Variants in HDAC4 observed in about 807,000 individuals in gnomAD.
HDAC4 encodes the protein histone deacetylase 4.
A neutral mutation model predicts 135.1 loss-of-function variants in HDAC4; 16 were observed. That is an observed-to-expected ratio of 0.12 (90% CI 0.08 to 0.18). HDAC4 has a LOEUF of 0.18. Among genes scored for constraint, HDAC4 ranks in the 10% least tolerant of loss-of-function variants. The probability of loss-of-function intolerance (pLI) is 1.00; values close to 1 mark genes in which losing one functional copy is unlikely to be tolerated. For missense variants in HDAC4, 1,143 were observed against 1,511.8 expected (o/e 0.76, Z 4.05); for synonymous variants, 685 against 653.4 (o/e 1.05, Z -0.74).
intron 2 of HDAC4, among the ~76,000 whole-genome samples, chr2:239,312,190 C>T (rs1559355932): frequency 6.6e-6 from 1 of 152,180 alleles, no homozygotes; most frequent in African/African-American, 2.4e-5. Context: ...AGGGGCACCC[C>T]TGGGCAGGGC....
In HDAC4 at chr2:239,120,105, C is replaced by T. The variant is rs563422863; in HGVS notation, c.1534-4795G>A. Among the ~76,000 whole-genome samples the T allele has an allele frequency of 2.6e-5, 4 of 152,312 alleles. No homozygotes were observed. The South Asian group carries it at 6.2e-4, about 24-fold the overall frequency. ...CCGGGACGGGGAGGTGGGTAGAGGGCAGCTCAGAGAGGCTGAATCCCAGCA... is the reference window on the plus strand; with the variant it reads ...CCGGGACGGGGAGGTGGGTAGAGGGTAGCTCAGAGAGGCTGAATCCCAGCA... On this transcript the variant is annotated intron_variant, in intron 12 of 26. Transcript: ENST00000543185.
At chr2:239,108,284 T>C (rs2038342442) in intron 14 of HDAC4, 101 bp from the exon 15 acceptor site, 1 of 1,386,134 alleles carries the variant, frequency 7.2e-7, no homozygotes, top group African/African-American at 1.4e-5. Flanking sequence ...ACCACTTCCC[T>C]AGAAGGAGAC....
chr2:239,082,654 C>T (rs920096335), intron 20 of HDAC4, among the ~76,000 whole-genome samples: 1 of 152,262 alleles, frequency 6.6e-6, no homozygotes. Context: ...TGCCCGCTTG[C>T]AGGCACGTGG....
At chr2:239,089,765 T>C (rs933575732) in intron 18 of HDAC4, 1 of 521,928 alleles carries the variant, frequency 1.9e-6, no homozygotes, top group African/African-American at 1.9e-5. Context: ...TTTTTAAGAG[T>C]ATAAAGGGTT....
chr2:239,203,199 G>A (rs1220754654), intron 3 of HDAC4, among the ~76,000 whole-genome samples: 1 of 152,322 alleles, frequency 6.6e-6, no homozygotes, highest in Admixed American at 6.5e-5. Flanking sequence ...AGCCCAGTGT[G>A]GATGCCTAGC....
intron 3 of HDAC4, among the ~76,000 whole-genome samples, chr2:239,214,421 C>G (rs2046510436): frequency 6.6e-6 from 1 of 152,230 alleles, no homozygotes; most frequent in Non-Finnish European, 1.5e-5. Context: ...AGTAACAACC[C>G]CATCTGCAGA....
chr2:239,359,652 G>A (rs909423683), intron 1 of HDAC4, among the ~76,000 whole-genome samples: 3 of 152,198 alleles, frequency 2.0e-5, no homozygotes, highest in African/African-American at 7.2e-5. Flanking sequence ...TCAGCCTTCG[G>A]GTCACCTTTT....
intron 3 of HDAC4, among the ~76,000 whole-genome samples, chr2:239,228,970 C>T (rs1434268759): frequency 1.1e-4 from 16 of 152,014 alleles, no homozygotes; most frequent in African/African-American, 2.9e-4. Context: ...GGTGAAACCT[C>T]GTCTCTACTA....
Position 239,163,879 on chromosome 2 carries a change from C to T in HDAC4, c.535G>A (p.Val179Ile), listed in dbSNP as rs762498105. Reference protein sequence around the residue: ...TEVKMKLQEFVLNKKKALAHR... With the variant: ...TEVKMKLQEFILNKKKALAHR... ...GCCAGCGCCTTCTTTTTATTGAGGACAAATTCTTGTAACTTCATCTTCACT... is the reference window on the plus strand; with the variant it reads ...GCCAGCGCCTTCTTTTTATTGAGGATAAATTCTTGTAACTTCATCTTCACT... Residue 179 changes from valine to isoleucine, a missense_variant, in exon 6 of 27, where the codon GTC becomes ATC. Coordinates refer to ENST00000543185, the MANE Select transcript of HDAC4 (RefSeq NM_001378414.1). The T allele has an allele frequency of 6.2e-7, 1 of 1,614,140 alleles. No individual in the cohort carries two copies. The highest frequency in any genetic ancestry group is 8.5e-7 in the Non-Finnish European group (1 of 1,180,010).
At chr2:239,094,949 C>G in intron 17 of HDAC4, 61 bp downstream of exon 17, 1 of 1,612,720 alleles carries the variant, frequency 6.2e-7, no homozygotes, top group African/African-American at 1.3e-5. Context: ...GCTGCGATTT[C>G]TGTGACCACT....
chr2:239,302,292 C>A (rs2052312807), intron 2 of HDAC4, among the ~76,000 whole-genome samples: 1 of 152,180 alleles, frequency 6.6e-6, no homozygotes, highest in Admixed American at 6.5e-5. Flanking sequence ...AAGCTGAAGT[C>A]TCGGGTGAGT....
chr2:239,063,309 T>C (rs1203907682), intron 24 of HDAC4, among the ~76,000 whole-genome samples: 4 of 151,946 alleles, frequency 2.6e-5, no homozygotes, highest in Non-Finnish European at 4.4e-5. Flanking sequence ...CACGCCATTC[T>C]CCTGCCTCAG....
chr2:239,105,754 C>T (rs2038070192), intron 15 of HDAC4, among the ~76,000 whole-genome samples: 1 of 152,162 alleles, frequency 6.6e-6, no homozygotes, highest in African/African-American at 2.4e-5. Context: ...AAGTCACAGC[C>T]CCATCCACCC....
In HDAC4 at chr2:239,054,942, G is replaced by C; in HGVS notation, c.3004-109C>G. Reference sequence around the variant, plus strand: ...TCCTGAGCACAGAGACCCTTGTGGGGTGCATTTGCCCACAGAGTAGAAAAA... The same window carrying C: ...TCCTGAGCACAGAGACCCTTGTGGGCTGCATTTGCCCACAGAGTAGAAAAA... On this transcript the variant is annotated intron_variant, in intron 24 of 26. Transcript: ENST00000543185. 1.7e-5 allele frequency: 14 copies of C among 808,044 alleles called. No individual in the cohort carries two copies. The South Asian group carries it at 1.9e-4, about 11-fold the overall frequency. 50.1% of individuals were successfully genotyped at this position (808,044 alleles called of 1,614,324 possible).
chr2:239,273,776 G>A (rs550970456), intron 2 of HDAC4, among the ~76,000 whole-genome samples: 1 of 152,202 alleles, frequency 6.6e-6, no homozygotes, highest in African/African-American at 2.4e-5. Context: ...CCAACAAATA[G>A]ACTGGAGAGC....
At chr2:239,205,528 A>C (rs905937135) in intron 3 of HDAC4, among the ~76,000 whole-genome samples, 5 of 152,184 alleles carry the variant, frequency 3.3e-5, no homozygotes, top group Admixed American at 6.5e-5. Flanking sequence ...AGAAAGTTTA[A>C]AAAACTCACC....
intron 1 of HDAC4, among the ~76,000 whole-genome samples, chr2:239,379,615 T>G (rs1305167502): frequency 2.0e-5 from 3 of 151,912 alleles, no homozygotes; most frequent in African/African-American, 7.3e-5. Context: ...TCCCTAGCGC[T>G]CCCCACAGCC....
At chr2:239,092,215 G>T (rs2036584166) in intron 17 of HDAC4, among the ~76,000 whole-genome samples, 1 of 151,412 alleles carries the variant, frequency 6.6e-6, no homozygotes, top group African/African-American at 2.4e-5. Context: ...CTCCAGTCTG[G>T]GTAACAGACT....
chr2:239,314,886 G>A (rs2053050205), intron 2 of HDAC4, among the ~76,000 whole-genome samples: 1 of 152,146 alleles, frequency 6.6e-6, no homozygotes, highest in Non-Finnish European at 1.5e-5. Context: ...AACCTGAAAA[G>A]CTAGTTCAGG....
Sources: gnomAD v4.1 joint callset for allele counts (sites outside exome capture counted in the v4.1 genomes callset) on GRCh38, gnomAD v4.1.1 for gene constraint, MANE v1.5 for transcripts, NCBI Gene and HGNC (gene_info 2026-07-23, HGNC 2026-07-21) for gene names.